The following PTH2R variants were observed in gnomAD, a reference collection of about 807,000 sequenced individuals.
The protein encoded by PTH2R is PTH2 receptor.
In PTH2R, 59 loss-of-function variants were observed where a neutral mutation model predicts 60.3. The observed-to-expected ratio is 0.98, with a 90% CI of 0.79 to 1.22. The LOEUF (loss-of-function observed/expected upper bound fraction) is 1.22. PTH2R is among the 50% of genes most tolerant of loss of function. The pLI, the probability that PTH2R is intolerant of heterozygous loss-of-function variation, is 0.00. For missense variants in PTH2R, 749 were observed against 682.6 expected, an observed-to-expected ratio of 1.10 and a Z score of -1.08; for synonymous variants, 256 against 243.8, an observed-to-expected ratio of 1.05 and a Z score of -0.47.
intron 1 of PTH2R, among the ~76,000 whole-genome samples, chr2:208,397,553 TC>T (rs1369055041): frequency 6.6e-6 from 1 of 152,012 alleles, no homozygotes; most frequent in Non-Finnish European, 1.5e-5. Context: ...AGGAAGAGGC[TC>T]CCTCTGTACA....
chr2:208,469,545 A>C (rs759216729), intron 9 of PTH2R, among the ~76,000 whole-genome samples: 76 of 152,218 alleles, frequency 5.0e-4, no homozygotes, highest in Admixed American at 1.2e-3. Flanking sequence ...TGATTTTTAG[A>C]GATAACCATA....
chr2:208,469,780 T>C (rs1016496712), intron 9 of PTH2R: 1 of 152,258 alleles, frequency 6.6e-6, no homozygotes, highest in African/African-American at 2.4e-5. Flanking sequence ...GATTTTTTAA[T>C]TCTTCCCTGT....
intron 1 of PTH2R, among the ~76,000 whole-genome samples, chr2:208,400,061 T>C (rs1701280018): frequency 1.3e-5 from 2 of 152,292 alleles, no homozygotes; most frequent in African/African-American, 4.8e-5. Flanking sequence ...TCTCCAGTTA[T>C]AGCACCTGGA....
intron 10 of PTH2R, 61 bp downstream of exon 10, chr2:208,481,225 T>A: frequency 8.2e-7 from 1 of 1,215,206 alleles, no homozygotes; most frequent in African/African-American, 1.6e-5. Flanking sequence ...TTTCCTTTTT[T>A]TTTTTTTTTT....
intron 2 of PTH2R, among the ~76,000 whole-genome samples, chr2:208,432,130 G>GGCTGTTTTCTGTGAAACA (rs1424124506): frequency 6.6e-6 from 1 of 152,176 alleles, no homozygotes; most frequent in Non-Finnish European, 1.5e-5. Flanking sequence ...TATCTGTGAT[G>GGCTGTTTTCTGTGAAACA]GCTGATAAGC....
intron 8 of PTH2R, among the ~76,000 whole-genome samples, chr2:208,459,424 T>C (rs573915276): frequency 1.3e-5 from 2 of 152,310 alleles, no homozygotes; most frequent in South Asian, 4.1e-4. Context: ...TCATTTTCTA[T>C]TGCATTTCTA....
intron 1 of PTH2R, among the ~76,000 whole-genome samples, chr2:208,383,796 G>A (rs1031674043): frequency 6.6e-6 from 1 of 152,202 alleles, no homozygotes; most frequent in African/African-American, 2.4e-5. Flanking sequence ...TCCCTGCTGA[G>A]ACTCGGGTAT....
At chr2:208,484,932 C>A (rs1356990737) in intron 10 of PTH2R, among the ~76,000 whole-genome samples, 2 of 152,070 alleles carry the variant, frequency 1.3e-5, no homozygotes, top group South Asian at 2.1e-4. Context: ...TGCTTAATGG[C>A]CAGTAGTGTC....
intron 2 of PTH2R, among the ~76,000 whole-genome samples, chr2:208,432,213 C>T (rs1467227127): frequency 6.6e-6 from 1 of 152,174 alleles, no homozygotes; most frequent in East Asian, 1.9e-4. Context: ...ACATTATCAT[C>T]GTCAGTGTCC....
intron 1 of PTH2R, among the ~76,000 whole-genome samples, chr2:208,395,071 G>T (rs1416075998): frequency 6.6e-6 from 1 of 150,846 alleles, no homozygotes; most frequent in Non-Finnish European, 1.5e-5. Flanking sequence ...TTTTTGAGAT[G>T]GAGTCTTGCT....
At chr2:208,459,426 G>T (rs968221869) in intron 8 of PTH2R, among the ~76,000 whole-genome samples, 3 of 151,960 alleles carry the variant, frequency 2.0e-5, no homozygotes, top group African/African-American at 7.2e-5. Context: ...ATTTTCTATT[G>T]CATTTCTATG....
intron 7 of PTH2R, among the ~76,000 whole-genome samples, 166 bp downstream of exon 7, chr2:208,445,053 A>G (rs1458597557): frequency 1.3e-5 from 2 of 152,308 alleles, no homozygotes; most frequent in East Asian, 3.9e-4. Context: ...AATAATTAAG[A>G]TCAAGTCTAT....
intron 2 of PTH2R, among the ~76,000 whole-genome samples, chr2:208,429,084 C>CAAAAA (rs55835317): frequency 7.9e-6 from 1 of 126,076 alleles, no homozygotes. Context: ...CTCTCTGTCT[C>CAAAAA]AAAAAAAAAA....
intron 1 of PTH2R, 87 bp downstream of exon 1, chr2:208,407,205 A>T (rs895344972): frequency 2.1e-5 from 25 of 1,198,936 alleles, no homozygotes; most frequent in Non-Finnish European, 2.3e-5. Flanking sequence ...GGTGCGCGCG[A>T]GAGCTCATTC....
At chr2:208,366,421 C>A (rs1395557434) in intron 1 of PTH2R, among the ~76,000 whole-genome samples, 2 of 152,086 alleles carry the variant, frequency 1.3e-5, no homozygotes, top group African/African-American at 4.8e-5. Context: ...CTATAATAGG[C>A]CCCCCTTTTA....
At chr2:208,469,447 T>C (rs547817069) in intron 9 of PTH2R, among the ~76,000 whole-genome samples, 1 of 152,298 alleles carries the variant, frequency 6.6e-6, no homozygotes, top group Non-Finnish European at 1.5e-5. Flanking sequence ...GGTCAGAATT[T>C]CTAAGCAATA....
intron 8 of PTH2R, among the ~76,000 whole-genome samples, chr2:208,455,962 G>C (rs1164807812): frequency 1.3e-5 from 2 of 152,094 alleles, no homozygotes; most frequent in African/African-American, 2.4e-5. Flanking sequence ...ATTTGGGCTG[G>C]GCAAGGTGGC....
intron 4 of PTH2R, 117 bp from the exon 5 acceptor site, chr2:208,442,247 C>T: frequency 2.6e-6 from 2 of 770,136 alleles, no homozygotes; most frequent in Non-Finnish European, 2.2e-6. Context: ...ATGCAAATTA[C>T]AGCTTAAAAA....
At chr2:208,446,872 A>T (rs1307150417) in intron 7 of PTH2R, among the ~76,000 whole-genome samples, 1 of 152,210 alleles carries the variant, frequency 6.6e-6, no homozygotes, top group Non-Finnish European at 1.5e-5. Flanking sequence ...AAAACATTAT[A>T]TATGCCTTGC....
Sources: gnomAD v4.1 joint callset for allele counts (sites outside exome capture counted in the v4.1 genomes callset) on GRCh38, gnomAD v4.1.1 for gene constraint, MANE v1.5 for transcripts, NCBI Gene and HGNC (gene_info 2026-07-23, HGNC 2026-07-21) for gene names.